The following COL23A1 variants were observed in gnomAD, a reference collection of about 807,000 sequenced individuals.
The protein encoded by COL23A1 is collagen type XXIII alpha 1 chain.
A neutral mutation model predicts 99.3 loss-of-function variants in COL23A1; 97 were observed. The observed-to-expected ratio is 0.98, with a 90% CI of 0.83 to 1.16. The LOEUF (loss-of-function observed/expected upper bound fraction) is 1.16. COL23A1 is among the 50% of genes most tolerant of loss of function. COL23A1 has a pLI of 0.00. For missense variants in COL23A1, 762 were observed against 757.4 expected (o/e 1.01, Z -0.07); for synonymous variants, 320 against 308.2 (o/e 1.04, Z -0.40).
At chr5:178,549,676 G>A (rs1475000477) in intron 2 of COL23A1, among the ~76,000 whole-genome samples, 4 of 152,076 alleles carry the variant, frequency 2.6e-5, no homozygotes, top group African/African-American at 9.7e-5. Flanking sequence ...TTAGCCAGGC[G>A]TGGTGGTGTG....
In COL23A1 at chr5:178,309,959, G is replaced by A. The variant is rs1430507368; in HGVS notation, c.362-3040C>T. ...GAAGGGCGGGGGGGAGAGGGAGGGA[G>A]GGAGAAGGGGACAGGCAGGGAGGCC... On this transcript the variant is annotated intron_variant, in intron 2 of 28. Transcript: ENST00000390654. The surrounding 1 kb of genome is among the most constrained non-coding windows in gnomAD (Gnocchi z 4.7). Among the ~76,000 whole-genome samples, 1 of 152,164 alleles carries A rather than the reference G, an allele frequency of 6.6e-6. No individual in the cohort carries two copies. Among genetic ancestry groups the A allele is most frequent in the African/African-American group, 2.4e-5 (1 of 41,456 alleles).
rs72819062 is a variant in COL23A1, at chr5:178,280,106, T to A, written c.441+8218A>T. Among the ~76,000 whole-genome samples, 3,804 of 152,344 alleles carry A rather than the reference T, an allele frequency of 0.025. 64 individuals carry two copies. The highest frequency in any genetic ancestry group is 0.037 in the Non-Finnish European group (2,491 of 68,024). On this transcript the variant is annotated intron_variant, in intron 5 of 28. Coordinates refer to ENST00000390654, the MANE Select transcript of COL23A1 (RefSeq NM_173465.4). The surrounding 1 kb of genome is among the most constrained non-coding windows in gnomAD (Gnocchi z 4.9). ...GAACGATTCTCTGAATGAACGTCCATCCTGCTGGCTCTCGTGCCCGGCCAG... is the reference window on the plus strand; with the variant it reads ...GAACGATTCTCTGAATGAACGTCCAACCTGCTGGCTCTCGTGCCCGGCCAG...
intron 3 of COL23A1, among the ~76,000 whole-genome samples, chr5:178,296,588 C>T (rs575380548): frequency 1.1e-4 from 17 of 152,176 alleles, no homozygotes; most frequent in African/African-American, 3.4e-4. Context: ...ACAGAAAGAG[C>T]GGTAATGTGT....
chr5:178,401,914 C>T (rs1193288950), intron 2 of COL23A1, among the ~76,000 whole-genome samples: 2 of 152,174 alleles, frequency 1.3e-5, no homozygotes, highest in Non-Finnish European at 2.9e-5. Flanking sequence ...CTCCCAGGTT[C>T]AAGTGATTCT....
intron 25 of COL23A1, among the ~76,000 whole-genome samples, chr5:178,244,856 C>T (rs1465550638): frequency 6.6e-6 from 1 of 152,252 alleles, no homozygotes; most frequent in Non-Finnish European, 1.5e-5. Context: ...TAGCTAAAGC[C>T]CTATTATCTG....
intron 21 of COL23A1, 43 bp downstream of exon 21, chr5:178,247,732 T>C: frequency 1.2e-6 from 2 of 1,605,342 alleles, no homozygotes; most frequent in Non-Finnish European, 1.7e-6. Flanking sequence ...CGCCTCTTGG[T>C]TTCCTGGCTG....
At chr5:178,248,332 T>C (rs755137854) in intron 19 of COL23A1, 78 bp from the exon 20 acceptor site, 98 of 1,122,054 alleles carry the variant, frequency 8.7e-5, no homozygotes, top group Admixed American at 2.8e-4. Flanking sequence ...TGACCTCCCT[T>C]CCTTCCCCCA....
intron 1 of COL23A1, among the ~76,000 whole-genome samples, chr5:178,568,870 T>C (rs1214298499): frequency 1.3e-5 from 2 of 152,250 alleles, no homozygotes; most frequent in Non-Finnish European, 2.9e-5. Flanking sequence ...GGCTGTTGTG[T>C]ACGGCGCTGC....
At chr5:178,248,764 G>A (rs896247840) in intron 19 of COL23A1, among the ~76,000 whole-genome samples, 10 of 152,238 alleles carry the variant, frequency 6.6e-5, no homozygotes, top group Non-Finnish European at 7.3e-5. Context: ...CAGGAGGTTA[G>A]GTTGCTCGCC....
intron 2 of COL23A1, among the ~76,000 whole-genome samples, chr5:178,429,464 A>G (rs1036537663): frequency 6.6e-6 from 1 of 152,250 alleles, no homozygotes; most frequent in Admixed American, 6.5e-5. Flanking sequence ...GAGTCAGGCA[A>G]AAACTGCCTT....
At chr5:178,329,422 C>G (rs1057338576) in intron 2 of COL23A1, among the ~76,000 whole-genome samples, 53 of 152,138 alleles carry the variant, frequency 3.5e-4, no homozygotes, top group Admixed American at 2.9e-3. Context: ...AGGCCCCAGG[C>G]TCCCCCTGCC....
intron 3 of COL23A1, among the ~76,000 whole-genome samples, chr5:178,304,439 AGCAGAG>A (rs1758240133): frequency 6.8e-6 from 1 of 147,242 alleles, no homozygotes; most frequent in Non-Finnish European, 1.5e-5. Flanking sequence ...GAATCTGGGA[AGCAGAG>A]GCTGCTGTGA....
chr5:178,509,702 A>T (rs73803493), intron 2 of COL23A1, among the ~76,000 whole-genome samples: 2,798 of 152,240 alleles, frequency 0.018, 83 homozygotes, highest in African/African-American at 0.061. Flanking sequence ...ACTAACCAGC[A>T]TCTAAGCACA....
At chr5:178,465,580 C>T (rs975102552) in intron 2 of COL23A1, among the ~76,000 whole-genome samples, 1 of 152,198 alleles carries the variant, frequency 6.6e-6, no homozygotes, top group African/African-American at 2.4e-5. Flanking sequence ...GACTGGGCCA[C>T]TTTCAGAGCC....
chr5:178,466,319 G>A (rs1036500501), intron 2 of COL23A1, among the ~76,000 whole-genome samples: 7 of 152,172 alleles, frequency 4.6e-5, no homozygotes, highest in Non-Finnish European at 1.0e-4. Context: ...AGTAGCAATG[G>A]TAGTTGTCAC....
At chr5:178,322,707 C>T (rs1325282973) in intron 2 of COL23A1, among the ~76,000 whole-genome samples, 1 of 152,220 alleles carries the variant, frequency 6.6e-6, no homozygotes, top group Non-Finnish European at 1.5e-5. Context: ...GGCATTTGTA[C>T]CCAATCCCAG....
intron 2 of COL23A1, among the ~76,000 whole-genome samples, chr5:178,499,685 A>G (rs998125551): frequency 6.6e-6 from 1 of 152,242 alleles, no homozygotes; most frequent in African/African-American, 2.4e-5. Context: ...TCGTATACCT[A>G]ATAAATGATC....
chr5:178,464,910 G>A lies in COL23A1; in HGVS notation c.361+95772C>T, dbSNP rs996255324. 9.2e-5 allele frequency among the ~76,000 whole-genome samples: 14 copies of A among 152,302 alleles called. No individual in the cohort carries two copies. In the East Asian group the frequency reaches 1.2e-3, roughly 13 times the overall value. On this transcript the variant is annotated intron_variant, in intron 2 of 28. Coordinates refer to ENST00000390654, the MANE Select transcript of COL23A1 (RefSeq NM_173465.4). ...TCACACAGTGGCTCTGTGCTTGAAC[G>A]GAAGTCTTCAGCTCTAAGCTCAGTC...
chr5:178,367,143 T>C (rs557590388), intron 2 of COL23A1, among the ~76,000 whole-genome samples: 5 of 152,340 alleles, frequency 3.3e-5, no homozygotes, highest in South Asian at 2.1e-4. Flanking sequence ...CAAATCGTTA[T>C]CTGAGGGTAT....
Sources: allele counts gnomAD v4.1 joint callset (sites outside exome capture counted in the v4.1 genomes callset), GRCh38; gene constraint gnomAD v4.1.1; non-coding constraint Gnocchi (gnomAD v3.1); transcripts MANE v1.5; gene names NCBI Gene and HGNC (gene_info 2026-07-23, HGNC 2026-07-21).